RGS3: variants seen among roughly 807,000 people sequenced by gnomAD.
RGS3 encodes regulator of G-protein signalling 3.
Under a neutral mutation model 132.6 loss-of-function variants are expected in RGS3, and 80 were observed. That is an observed-to-expected ratio of 0.60 (90% CI 0.50 to 0.73). RGS3 has a LOEUF of 0.73. Ranked by LOEUF, RGS3 falls within the 30% of genes least tolerant of loss-of-function variation. The probability of loss-of-function intolerance (pLI) is 0.00; values close to 1 mark genes in which losing one functional copy is unlikely to be tolerated. For missense variants in RGS3, 1,382 were observed against 1,530.8 expected, an observed-to-expected ratio of 0.90 and a Z score of 1.62; for synonymous variants, 598 against 620.6, an observed-to-expected ratio of 0.96 and a Z score of 0.54.
At chr9:113,484,633 C>G (rs1830273614) in intron 6 of RGS3, among the ~76,000 whole-genome samples, 2 of 152,196 alleles carry the variant, frequency 1.3e-5, no homozygotes, top group Admixed American at 1.3e-4. Flanking sequence ...AACTTTCTAA[C>G]CTCTCTGAGC....
chr9:113,541,045 A>G lies in RGS3; in HGVS notation c.2037+4127A>G, dbSNP rs140861158. On this transcript the variant is annotated intron_variant, in intron 19 of 24. Transcript: ENST00000350696. The stretch of plus-strand genomic sequence containing the variant: ...TGCTGGTGCTCGGAGCACATATGAC[A>G]ACTGCTCCATGTCACTTCCTGGTAG... 4.7e-4 allele frequency among the ~76,000 whole-genome samples: 71 copies of G among 152,322 alleles called. No homozygotes were observed. The East Asian group carries it at 0.013, about 27-fold the overall frequency.
At chr9:113,491,183 TATTA>T (rs917302579) in intron 7 of RGS3, among the ~76,000 whole-genome samples, 9 of 146,478 alleles carry the variant, frequency 6.1e-5, no homozygotes, top group Non-Finnish European at 1.0e-4. Context: ...TATTATTATA[TATTA>T]ATTATATGTA....
At chr9:113,544,852 A>G (rs2118691905) in intron 19 of RGS3, among the ~76,000 whole-genome samples, 1 of 152,338 alleles carries the variant, frequency 6.6e-6, no homozygotes, top group African/African-American at 2.4e-5. Context: ...TAGAAGTAAG[A>G]GAAATCAATA....
chr9:113,519,505 C>T lies in RGS3; in HGVS notation c.1758+1881C>T, dbSNP rs546741367. Among the ~76,000 whole-genome samples the T allele has an allele frequency of 7.5e-5, 10 of 134,116 alleles. No individual in the cohort carries two copies. The South Asian group carries it at 2.2e-3, about 29-fold the overall frequency. The allele number at this position is 134,116 out of a possible 152,430, so 88.0% of individuals were successfully genotyped here. On this transcript the variant is annotated intron_variant, in intron 16 of 24. Transcript: ENST00000350696. Reference sequence around the variant, plus strand: ...GATCTGGGCATCCTGTCATATTACTCACACCAAAAAAAAAAAAAAAAAAAA... The same window carrying T: ...GATCTGGGCATCCTGTCATATTACTTACACCAAAAAAAAAAAAAAAAAAAA...
At chr9:113,502,917 A>G (rs974751839) in intron 10 of RGS3, among the ~76,000 whole-genome samples, 2 of 152,230 alleles carry the variant, frequency 1.3e-5, no homozygotes, top group Non-Finnish European at 2.9e-5. Flanking sequence ...TAGGATAATG[A>G]AATCCAGCGA....
upstream of RGS3, among the ~76,000 whole-genome samples, chr9:113,459,716 G>C (rs1829429717): frequency 6.6e-6 from 1 of 151,732 alleles, no homozygotes; most frequent in Non-Finnish European, 1.5e-5. Flanking sequence ...CAGCCTGGGT[G>C]ACAGAGCGAG....
At position 113,540,447 on chromosome 9, in the gene RGS3, G is replaced by C. The variant is rs565826954; in HGVS notation, c.2037+3529G>C. On this transcript the variant is annotated intron_variant, in intron 19 of 24. Coordinates refer to ENST00000350696, the Ensembl canonical transcript of RGS3. ...TCTCCTAATAGGAGAGAGATGAGGAGGGCACTGGAGTGGTGATCTAAGCAT... is the reference window on the plus strand; with the variant it reads ...TCTCCTAATAGGAGAGAGATGAGGACGGCACTGGAGTGGTGATCTAAGCAT... 1.1e-4 allele frequency among the ~76,000 whole-genome samples: 16 copies of C among 152,338 alleles called. No individual in the cohort carries two copies. The South Asian group carries it at 2.9e-3, about 28-fold the overall frequency.
At position 113,507,712 on chromosome 9, in the gene RGS3, A is replaced by C; in HGVS notation, c.1437+74A>C. ...GAGGCCAGGAAGACTTGAAGACCCA[A>C]AGTTGTGTGATGAGCAGCCTGTGAG... On this transcript the variant is annotated intron_variant, in intron 13 of 24. Coordinates refer to ENST00000350696, the Ensembl canonical transcript of RGS3. The surrounding 1 kb of genome is among the most constrained non-coding windows in gnomAD (Gnocchi z 5.0). 8.1e-7 allele frequency: 1 copy of C among 1,235,026 alleles called. No individual in the cohort carries two copies. The highest frequency in any genetic ancestry group is 1.1e-6 in the Non-Finnish European group (1 of 916,040). The allele number at this position is 1,235,026 out of a possible 1,614,324, so 76.5% of individuals were successfully genotyped here.
Position 113,506,508 on chromosome 9 carries a change from C to A in RGS3, c.1085+15C>A. 1 of 1,554,398 alleles carries A rather than the reference C, an allele frequency of 6.4e-7. No homozygotes were observed. Among genetic ancestry groups the A allele is most frequent in the Admixed American group, 1.9e-5 (1 of 52,676 alleles). On this transcript the variant is annotated intron_variant, in intron 12 of 24. Transcript: ENST00000350696. The surrounding 1 kb of genome is among the most constrained non-coding windows in gnomAD (Gnocchi z 4.7). ...CACGAGATCCGGTGACAGGGGACAG[C>A]GGGTGGCCTGGGGCCTCAGGCTGAT...
At chr9:113,504,012 G>A (rs1001858776) in intron 10 of RGS3, among the ~76,000 whole-genome samples, 2 of 152,136 alleles carry the variant, frequency 1.3e-5, no homozygotes, top group African/African-American at 4.8e-5. Context: ...TTGTCTGTCA[G>A]GTTTCCTGTT....
In RGS3 at chr9:113,466,489, G is replaced by T. The variant is rs147558757; in HGVS notation, c.415+4288G>T. On this transcript the variant is annotated intron_variant, in intron 3 of 24. Transcript: ENST00000350696. ...GAACACAACCCCTTGTCCCCCAAAAGGAGTATGTTCAAGTGACATTAATTG... is the reference window on the plus strand; with the variant it reads ...GAACACAACCCCTTGTCCCCCAAAATGAGTATGTTCAAGTGACATTAATTG... Among the ~76,000 whole-genome samples, 46 of 152,326 alleles carry T rather than the reference G, an allele frequency of 3.0e-4. 1 individual carries two copies. Among genetic ancestry groups the T allele is most frequent in the African/African-American group, 1.1e-3 (45 of 41,576 alleles).
intron 7 of RGS3, among the ~76,000 whole-genome samples, chr9:113,490,705 T>TA (rs1830481861): frequency 8.8e-6 from 1 of 113,722 alleles, no homozygotes; most frequent in Non-Finnish European, 1.8e-5. Context: ...ATATTATATT[T>TA]TATATTGGTA....
At chr9:113,473,423 C>T (rs1829896607) in intron 3 of RGS3, among the ~76,000 whole-genome samples, 1 of 152,108 alleles carries the variant, frequency 6.6e-6, no homozygotes, top group South Asian at 2.1e-4. Flanking sequence ...CACTCTGTTG[C>T]CCAGGCTGGA....
At chr9:113,583,412 C>G (rs984699479) in intron 19 of RGS3, 38 bp from the exon 18 acceptor site, 14 of 1,606,020 alleles carry the variant, frequency 8.7e-6, no homozygotes, top group African/African-American at 1.3e-5. Flanking sequence ...TTGGAGCCTC[C>G]TCTTCTGAAC....
intron 16 of RGS3, among the ~76,000 whole-genome samples, chr9:113,518,514 G>A (rs1286239581): frequency 4.6e-5 from 7 of 152,226 alleles, no homozygotes; most frequent in Non-Finnish European, 1.0e-4. Flanking sequence ...TGGTCTGTAA[G>A]GACGCTTTAA....
At chr9:113,503,994 C>A (rs1232753998) in intron 10 of RGS3, among the ~76,000 whole-genome samples, 1 of 152,194 alleles carries the variant, frequency 6.6e-6, no homozygotes, top group Non-Finnish European at 1.5e-5. Flanking sequence ...GCCTCCTCCC[C>A]CTTCCCCTTG....
chr9:113,572,966 G>C (rs1296773004), intron 19 of RGS3, among the ~76,000 whole-genome samples: 1 of 152,264 alleles, frequency 6.6e-6, no homozygotes, highest in Non-Finnish European at 1.5e-5. Context: ...ATGCAGGAGA[G>C]GGAGCTGATG....
At chr9:113,482,823 G>C in intron 4 of RGS3, 2 of 925,058 alleles carry the variant, frequency 2.2e-6, no homozygotes, top group Non-Finnish European at 3.1e-6. Context: ...TGAGGGTGCT[G>C]CCAGAGAGTG....
intron 7 of RGS3, 29 bp downstream of exon 5, chr9:113,485,722 A>C: frequency 6.5e-7 from 1 of 1,541,092 alleles, no homozygotes; most frequent in South Asian, 1.2e-5. Flanking sequence ...CTGGAGGGGG[A>C]CTCTGCTCTG....
Sources: gnomAD v4.1 joint callset for allele counts (sites outside exome capture counted in the v4.1 genomes callset) on GRCh38, gnomAD v4.1.1 for gene constraint, Gnocchi (gnomAD v3.1) non-coding constraint, MANE v1.5 for transcripts, NCBI Gene and HGNC (gene_info 2026-07-23, HGNC 2026-07-21) for gene names.